Variants in ZBTB46 observed in about 807,000 individuals in gnomAD.
ZBTB46 encodes the protein zinc finger and BTB domain containing 46.
ZBTB46 carries 8 observed loss-of-function variants against 44.1 expected under a neutral mutation model. That is an observed-to-expected ratio of 0.18 (90% CI 0.11 to 0.33). The LOEUF (loss-of-function observed/expected upper bound fraction) is 0.33, where lower values mean the gene tolerates loss of function less well. Among genes scored for constraint, ZBTB46 ranks in the 10% least tolerant of loss-of-function variants. ZBTB46 has a pLI of 1.00. For missense variants in ZBTB46, 651 were observed against 847.7 expected, an observed-to-expected ratio of 0.77 and a Z score of 2.88; for synonymous variants, 409 against 382.3, an observed-to-expected ratio of 1.07 and a Z score of -0.81.
chr20:63,774,675 G>A (rs1162142737), intron 3 of ZBTB46, among the ~76,000 whole-genome samples: 2 of 94,440 alleles, frequency 2.1e-5, no homozygotes, highest in African/African-American at 3.6e-5. Context: ...CTGGCTGGGG[G>A]CTGGCTGCGG....
chr20:63,779,732 G>T (rs1362835585), intron 2 of ZBTB46, among the ~76,000 whole-genome samples: 2 of 151,208 alleles, frequency 1.3e-5, no homozygotes, highest in South Asian at 4.2e-4. Context: ...GCTAATTTTT[G>T]TATTTTTAGT....
At chr20:63,768,035 A>G in intron 3 of ZBTB46, 5 of 985,458 alleles carry the variant, frequency 5.1e-6, no homozygotes, top group Non-Finnish European at 6.0e-6. Flanking sequence ...TAAAAGCAGC[A>G]AGACTTCTAG....
chr20:63,751,000 T>A (rs534835945), intron 4 of ZBTB46, among the ~76,000 whole-genome samples: 1 of 152,218 alleles, frequency 6.6e-6, no homozygotes, highest in Non-Finnish European at 1.5e-5. Context: ...ACTGAGAGGT[T>A]AATACGGATT....
intron 1 of ZBTB46, among the ~76,000 whole-genome samples, chr20:63,797,696 T>C (rs959382559): frequency 1.3e-5 from 2 of 152,246 alleles, no homozygotes; most frequent in African/African-American, 4.8e-5. Flanking sequence ...ATCACCATTC[T>C]AACTGGTGTG....
chr20:63,790,883 G>C, intron 1 of ZBTB46, 93 bp from the exon 2 acceptor site: 5 of 1,436,248 alleles, frequency 3.5e-6, no homozygotes, highest in Non-Finnish European at 4.6e-6. Flanking sequence ...ATGGGGCACA[G>C]AGTGCGGCCA....
intron 3 of ZBTB46, among the ~76,000 whole-genome samples, chr20:63,766,520 G>A (rs2092321783): frequency 7.1e-6 from 1 of 141,644 alleles, no homozygotes; most frequent in East Asian, 2.0e-4. Context: ...CTGGCCAAGA[G>A]ATCCCATTTT....
intron 3 of ZBTB46, among the ~76,000 whole-genome samples, chr20:63,762,394 C>T (rs2092284830): frequency 6.7e-6 from 1 of 149,968 alleles, no homozygotes; most frequent in South Asian, 2.1e-4. Flanking sequence ...TAGCTCACAC[C>T]TGTAATCCCA....
chr20:63,828,055 G>A (rs949823096), intron 1 of ZBTB46, among the ~76,000 whole-genome samples: 1 of 152,224 alleles, frequency 6.6e-6, no homozygotes, highest in Non-Finnish European at 1.5e-5. Flanking sequence ...CAAAGCACTG[G>A]GATTACAGGC....
intron 2 of ZBTB46, among the ~76,000 whole-genome samples, chr20:63,777,004 G>A (rs980030412): frequency 2.0e-5 from 3 of 150,578 alleles, no homozygotes; most frequent in Non-Finnish European, 3.0e-5. Context: ...CACACAATAC[G>A]GTTCCAGCAC....
chr20:63,773,754 CCG>C (rs1165990998), intron 3 of ZBTB46, among the ~76,000 whole-genome samples: 2 of 152,140 alleles, frequency 1.3e-5, no homozygotes, highest in African/African-American at 4.8e-5. Context: ...CGGGCATGCG[CCG>C]CTGGCCGCAC....
chr20:63,753,658 G>T (rs571112789), intron 3 of ZBTB46, among the ~76,000 whole-genome samples: 34 of 152,376 alleles, frequency 2.2e-4, no homozygotes, highest in African/African-American at 8.2e-4. Context: ...GTGCACGCAT[G>T]TGCCGAGGGC....
chr20:63,762,683 AAAAAC>A (rs1568839216), intron 3 of ZBTB46, among the ~76,000 whole-genome samples: 42 of 147,062 alleles, frequency 2.9e-4, no homozygotes, highest in African/African-American at 6.2e-4. Flanking sequence ...CAAACAAAAA[AAAAAC>A]CAACTGAGCT....
intron 3 of ZBTB46, among the ~76,000 whole-genome samples, chr20:63,766,309 G>A (rs1430182724): frequency 4.2e-5 from 6 of 144,500 alleles, no homozygotes; most frequent in African/African-American, 1.6e-4. Flanking sequence ...TCCGCCTCCC[G>A]GGTTCAAGTG....
Position 63,775,755 on chromosome 20 carries a change from G to A in ZBTB46, c.1145C>T (p.Ser382Leu), listed in dbSNP as rs1568854995. 1 of 1,612,878 alleles carries A rather than the reference G, an allele frequency of 6.2e-7. No individual in the cohort carries two copies. Among genetic ancestry groups the A allele is most frequent in the Non-Finnish European group, 8.5e-7 (1 of 1,179,594 alleles). ...AALMSKNSLL[S>L]LKADVLGDDG... ...ATCCCCCAGCACGTCGGCCTTCAGCGACAGCAGGCTGTTCTTACTCATGAG... is the reference window on the plus strand; with the variant it reads ...ATCCCCCAGCACGTCGGCCTTCAGCAACAGCAGGCTGTTCTTACTCATGAG... Residue 382 changes from serine (S) to leucine (L), a missense_variant, in exon 3 of 5, where the codon TCG (serine) becomes TTG (leucine). By Grantham distance (145) the Ser-to-Leu change is moderately radical. Around this residue, in one of 5 missense-constraint regions of ZBTB46, gnomAD observed 385 missense variants for 423.3 expected, o/e 0.91. Transcript: ENST00000245663.
intron 1 of ZBTB46, among the ~76,000 whole-genome samples, chr20:63,795,602 G>A (rs2092597477): frequency 2.0e-5 from 3 of 152,234 alleles, no homozygotes; most frequent in Admixed American, 6.5e-5. Flanking sequence ...AGCTGGGAGG[G>A]ATTCAGCGGC....
rs1180298538 is a variant in ZBTB46, at chr20:63,752,913, T to A, written c.1223-52A>T. ...CAGCAGGGCTTGGGATGTACCGCCC[T>A]GCGGCCCACAGACCACGGCTGCACG... On this transcript the variant is annotated intron_variant, in intron 3 of 4. Coordinates refer to ENST00000245663, the MANE Select transcript of ZBTB46 (RefSeq NM_001369741.1). The surrounding 1 kb of genome is among the most constrained non-coding windows in gnomAD (Gnocchi z 5.6). 9 of 1,536,402 alleles carry A rather than the reference T, an allele frequency of 5.9e-6. No homozygotes were observed.
chr20:63,802,053 T>A lies in ZBTB46; in HGVS notation c.-33-11263A>T, dbSNP rs146857196. On this transcript the variant is annotated intron_variant, in intron 1 of 4. Transcript: ENST00000245663. Reference sequence around the variant, plus strand: ...CCCGCCCCCGCCTCCCAAATTCATGTTGAAGCCCTAACCCCTCATATTTCA... The same window carrying A: ...CCCGCCCCCGCCTCCCAAATTCATGATGAAGCCCTAACCCCTCATATTTCA... Among the ~76,000 whole-genome samples, 467 of 152,244 alleles carry A rather than the reference T, an allele frequency of 3.1e-3. 1 individual carries two copies. The highest frequency in any genetic ancestry group is 5.2e-3 in the Non-Finnish European group (354 of 68,022).
intron 2 of ZBTB46, among the ~76,000 whole-genome samples, chr20:63,778,701 T>C (rs1265905653): frequency 6.6e-6 from 1 of 152,204 alleles, no homozygotes; most frequent in African/African-American, 2.4e-5. Flanking sequence ...CTAAGGGATA[T>C]GTTTCCAAAC....
intron 3 of ZBTB46, among the ~76,000 whole-genome samples, chr20:63,774,692 T>C (rs1182708676): frequency 4.7e-5 from 1 of 21,188 alleles, no homozygotes; most frequent in East Asian, 5.9e-4. Flanking sequence ...GCGGTGGGTT[T>C]TTTTTGTTTT....
Sources: gnomAD v4.1 joint callset for allele counts (sites outside exome capture counted in the v4.1 genomes callset) on GRCh38, gnomAD v4.1.1 for gene constraint, gnomAD v4.1.1 regional missense constraint, Gnocchi (gnomAD v3.1) non-coding constraint, MANE v1.5 for transcripts, NCBI Gene and HGNC (gene_info 2026-07-23, HGNC 2026-07-21) for gene names.